The following NKAIN3 variants were observed in gnomAD, a reference collection of about 807,000 sequenced individuals.
NKAIN3 encodes sodium/potassium-transporting ATPase subunit beta-1-interacting protein 3.
Under a neutral mutation model 30.2 loss-of-function variants are expected in NKAIN3, and 25 were observed. That is an observed-to-expected ratio of 0.83 (90% CI 0.60 to 1.16). NKAIN3 has a LOEUF of 1.16. NKAIN3 is among the 50% of genes most tolerant of loss of function. The pLI is 0.00. For synonymous variants in NKAIN3, 91 were observed against 89.6 expected (o/e 1.02, Z -0.09); for missense variants, 225 against 254.1 (o/e 0.89, Z 0.78).
chr8:62,961,730 C>G (rs1823576263), intron 6 of NKAIN3, among the ~76,000 whole-genome samples: 1 of 152,040 alleles, frequency 6.6e-6, no homozygotes, highest in Non-Finnish European at 1.5e-5. Context: ...TAAATGAACT[C>G]TTCAGAAATC....
At chr8:62,322,551 A>T (rs1417857315) in intron 1 of NKAIN3, among the ~76,000 whole-genome samples, 1 of 152,206 alleles carries the variant, frequency 6.6e-6, no homozygotes, top group Non-Finnish European at 1.5e-5. Context: ...AATATAATTT[A>T]AAATCCAAAA....
chr8:62,973,214 T>C lies in NKAIN3; in HGVS notation c.*7807T>C, dbSNP rs553241063. Among the ~76,000 whole-genome samples the C allele has an allele frequency of 7.4e-4, 113 of 152,358 alleles. 1 individual carries two copies. Among genetic ancestry groups the C allele is most frequent in the African/African-American group, 2.6e-3 (110 of 41,584 alleles). On this transcript the variant is annotated 3_prime_UTR_variant, in exon 7 of 7. Transcript: ENST00000623646. Reference sequence around the variant, plus strand: ...TAGGGGATTGCTGGATCAAATGGTATTTCTAGTTCTAGATCCTTGAGGAAT... The same window carrying C: ...TAGGGGATTGCTGGATCAAATGGTACTTCTAGTTCTAGATCCTTGAGGAAT...
chr8:62,249,303 G>T (rs901383729), intron 1 of NKAIN3, among the ~76,000 whole-genome samples, 176 bp downstream of exon 1: 5 of 152,224 alleles, frequency 3.3e-5, no homozygotes, highest in African/African-American at 7.2e-5. Flanking sequence ...CCAGCCGCGG[G>T]CACTCGCCAG....
chr8:62,587,082 G>A (rs1810498107), intron 2 of NKAIN3, among the ~76,000 whole-genome samples: 1 of 151,914 alleles, frequency 6.6e-6, no homozygotes, highest in African/African-American at 2.4e-5. Context: ...AAAGAAGATA[G>A]GGAAGGTAGG....
intron 1 of NKAIN3, among the ~76,000 whole-genome samples, chr8:62,339,642 T>C (rs888729284): frequency 1.3e-5 from 2 of 152,090 alleles, no homozygotes; most frequent in African/African-American, 4.8e-5. Context: ...ATGAGATTCA[T>C]CTTTTTCTTT....
At chr8:62,316,896 A>T (rs939084312) in intron 1 of NKAIN3, among the ~76,000 whole-genome samples, 1 of 152,220 alleles carries the variant, frequency 6.6e-6, no homozygotes, top group Non-Finnish European at 1.5e-5. Context: ...TCTAACCAAC[A>T]GTGTAAGTGT....
At chr8:62,331,117 A>G (rs987335869) in intron 1 of NKAIN3, among the ~76,000 whole-genome samples, 2 of 147,428 alleles carry the variant, frequency 1.4e-5, no homozygotes, top group Admixed American at 1.4e-4. Context: ...GTATATATGT[A>G]TGTATATCCC....
intron 3 of NKAIN3, among the ~76,000 whole-genome samples, chr8:62,683,793 G>A (rs1813717274): frequency 6.6e-6 from 1 of 152,130 alleles, no homozygotes; most frequent in African/African-American, 2.4e-5. Context: ...TCCCTCACAT[G>A]TATTGCCCAC....
chr8:62,983,715 C>T lies in NKAIN3; in HGVS notation c.*18308C>T, dbSNP rs1212532416. 1 of 152,186 alleles carries T rather than the reference C, an allele frequency of 6.6e-6. No homozygotes were observed. The highest frequency in any genetic ancestry group is 2.4e-5 in the African/African-American group (1 of 41,434). 9.4% of individuals were successfully genotyped at this position (152,186 alleles called of 1,614,324 possible). A position where few individuals can be genotyped will look rare whatever the true frequency, so the allele number is the denominator to read the frequency against. ...GGAGCAAATGGACAAAATAAGCCCCCTCTTGCTCAGGACCTGACTAACATT... is the reference window on the plus strand; with the variant it reads ...GGAGCAAATGGACAAAATAAGCCCCTTCTTGCTCAGGACCTGACTAACATT... On this transcript the variant is annotated 3_prime_UTR_variant, in exon 7 of 7. Coordinates refer to ENST00000623646, the MANE Select transcript of NKAIN3 (RefSeq NM_001304533.3).
chr8:62,728,792 C>G (rs1221715616), intron 3 of NKAIN3, among the ~76,000 whole-genome samples: 1 of 151,798 alleles, frequency 6.6e-6, no homozygotes, highest in African/African-American at 2.4e-5. Flanking sequence ...AGATAGCGAC[C>G]AGCCTGGCTA....
chr8:62,616,925 C>A (rs1263523581), intron 3 of NKAIN3, among the ~76,000 whole-genome samples: 2 of 152,170 alleles, frequency 1.3e-5, no homozygotes, highest in African/African-American at 2.4e-5. Context: ...GTGTTTGGGT[C>A]ATGAGGGATT....
intron 1 of NKAIN3, among the ~76,000 whole-genome samples, chr8:62,391,235 G>A (rs1817576127): frequency 1.3e-5 from 2 of 152,058 alleles, no homozygotes; most frequent in African/African-American, 4.8e-5. Context: ...AAAACTATAT[G>A]TACCTTATCT....
chr8:62,503,307 G>C (rs190775719), intron 1 of NKAIN3, among the ~76,000 whole-genome samples: 70 of 152,282 alleles, frequency 4.6e-4, no homozygotes, highest in Admixed American at 1.2e-3. Flanking sequence ...AAAAGAGGAG[G>C]GGGTGTATGA....
intron 3 of NKAIN3, among the ~76,000 whole-genome samples, chr8:62,686,870 A>G (rs1813814833): frequency 6.6e-6 from 1 of 152,240 alleles, no homozygotes; most frequent in South Asian, 2.1e-4. Context: ...ATTACTTAGC[A>G]CAAAAACTGC....
At chr8:62,578,723 T>C (rs1416364529) in intron 1 of NKAIN3, among the ~76,000 whole-genome samples, 1 of 152,040 alleles carries the variant, frequency 6.6e-6, no homozygotes, top group Non-Finnish European at 1.5e-5. Context: ...TTGTTTTTGA[T>C]CCAATTATGT....
intron 4 of NKAIN3, among the ~76,000 whole-genome samples, chr8:62,786,925 A>G (rs1817538981): frequency 6.6e-6 from 1 of 152,160 alleles, no homozygotes; most frequent in South Asian, 2.1e-4. Context: ...TAGGTGAGCT[A>G]TCAAACCCAC....
intron 4 of NKAIN3, among the ~76,000 whole-genome samples, chr8:62,897,764 T>C (rs1334754401): frequency 6.6e-6 from 1 of 152,126 alleles, no homozygotes; most frequent in Non-Finnish European, 1.5e-5. Context: ...ACTCTCATGG[T>C]AATGGATTAG....
chr8:62,508,553 A>G (rs1485917392), intron 1 of NKAIN3, among the ~76,000 whole-genome samples: 1 of 152,116 alleles, frequency 6.6e-6, no homozygotes, highest in East Asian at 1.9e-4. Flanking sequence ...AGTCATGCCT[A>G]CTTGGTTTAC....
At chr8:62,573,753 G>A (rs1180018212) in intron 1 of NKAIN3, among the ~76,000 whole-genome samples, 2 of 151,442 alleles carry the variant, frequency 1.3e-5, no homozygotes, top group African/African-American at 4.9e-5. Flanking sequence ...TTAATTTTGT[G>A]GGTACATAGT....
Sources: allele counts gnomAD v4.1 joint callset (sites outside exome capture counted in the v4.1 genomes callset), GRCh38; gene constraint gnomAD v4.1.1; transcripts MANE v1.5; gene names NCBI Gene and HGNC (gene_info 2026-07-23, HGNC 2026-07-21).